DLG2: variants seen among roughly 807,000 people sequenced by gnomAD.
DLG2 encodes discs large MAGUK scaffold protein 2.
Under a neutral mutation model 132.5 loss-of-function variants are expected in DLG2, and 45 were observed. The ratio of observed to expected loss-of-function variants is 0.34; its 90% CI spans 0.27 to 0.44. DLG2 has a LOEUF of 0.44. Among genes scored for constraint, DLG2 ranks in the 20% least tolerant of loss-of-function variants. The pLI is 1.00. For missense variants in DLG2, 1,045 were observed against 1,196.9 expected (o/e 0.87, Z 1.87); for synonymous variants, 424 against 419.6 (o/e 1.01, Z -0.13).
At chr11:83,917,536 C>A (rs939395523) in intron 15 of DLG2, among the ~76,000 whole-genome samples, 13 of 152,258 alleles carry the variant, frequency 8.5e-5, no homozygotes, top group African/African-American at 3.1e-4. Context: ...GTTTCTGTGT[C>A]CTAACTCTGA....
chr11:84,233,391 A>G (rs2097120200), intron 8 of DLG2, among the ~76,000 whole-genome samples: 1 of 152,186 alleles, frequency 6.6e-6, no homozygotes, highest in African/African-American at 2.4e-5. Flanking sequence ...AGCCTGAAAA[A>G]TCAAGCTGAA....
chr11:84,332,344 T>C (rs1311077279), intron 7 of DLG2, among the ~76,000 whole-genome samples: 1 of 151,480 alleles, frequency 6.6e-6, no homozygotes, highest in Non-Finnish European at 1.5e-5. Flanking sequence ...CTAGAGTAGC[T>C]GGGACTACAG....
At chr11:83,763,295 CAA>C (rs2093993444) in intron 18 of DLG2, among the ~76,000 whole-genome samples, 1 of 137,818 alleles carries the variant, frequency 7.3e-6, no homozygotes, top group Non-Finnish European at 1.5e-5. Context: ...GGATAATACT[CAA>C]TAGATTTTTT....
At chr11:85,227,298 T>C (rs1046695117) in intron 4 of DLG2, among the ~76,000 whole-genome samples, 1 of 152,002 alleles carries the variant, frequency 6.6e-6, no homozygotes, top group African/African-American at 2.4e-5. Context: ...TAATCTAAAA[T>C]CAAGAAAAAA....
chr11:84,690,260 C>G (rs2057871413), intron 6 of DLG2, among the ~76,000 whole-genome samples: 1 of 151,622 alleles, frequency 6.6e-6, no homozygotes, highest in Admixed American at 6.6e-5. Flanking sequence ...ATATATATTT[C>G]AAAATTGCAA....
At chr11:83,868,466 C>T (rs999897821) in intron 16 of DLG2, among the ~76,000 whole-genome samples, 15 of 151,840 alleles carry the variant, frequency 9.9e-5, no homozygotes, top group Non-Finnish European at 7.4e-5. Flanking sequence ...CTTCAGCTGA[C>T]AGGAAAGCAA....
chr11:84,261,034 T>C (rs964091338), intron 7 of DLG2, among the ~76,000 whole-genome samples: 1 of 152,208 alleles, frequency 6.6e-6, no homozygotes, highest in Non-Finnish European at 1.5e-5. Context: ...GTGGATACCA[T>C]CTGTTCCTCG....
At chr11:84,304,915 A>T (rs2098198268) in intron 7 of DLG2, among the ~76,000 whole-genome samples, 1 of 152,238 alleles carries the variant, frequency 6.6e-6, no homozygotes, top group South Asian at 2.1e-4. Context: ...CCATTCTATC[A>T]GATTCAACCT....
intron 6 of DLG2, among the ~76,000 whole-genome samples, chr11:84,830,369 C>G (rs1021780530): frequency 6.8e-6 from 1 of 147,726 alleles, no homozygotes; most frequent in Admixed American, 6.8e-5. Context: ...GCGTCATCTA[C>G]GTTTTTTTTT....
At chr11:83,553,240 C>A (rs550665528) in intron 19 of DLG2, among the ~76,000 whole-genome samples, 7 of 152,232 alleles carry the variant, frequency 4.6e-5, no homozygotes, top group Non-Finnish European at 7.4e-5. Context: ...GACATCAACT[C>A]TAAGATTTTT....
chr11:85,046,749 A>C (rs1341205726), intron 6 of DLG2, among the ~76,000 whole-genome samples: 1 of 151,858 alleles, frequency 6.6e-6, no homozygotes, highest in Non-Finnish European at 1.5e-5. Context: ...AACATAAATT[A>C]CTTCCTTAAA....
At chr11:84,324,762 T>G (rs1043010324) in intron 7 of DLG2, among the ~76,000 whole-genome samples, 1 of 152,158 alleles carries the variant, frequency 6.6e-6, no homozygotes, top group African/African-American at 2.4e-5. Flanking sequence ...TTCCTCAATA[T>G]TTTATTCTTT....
rs556408930 is a variant in DLG2, at chr11:85,080,732, T to C, written c.357+30929A>G. Reference sequence around the variant, plus strand: ...AAGGGATAGTTAACAATATTTTATATAGACCCTTTTTAATGGGGCAGAGTG... The same window carrying C: ...AAGGGATAGTTAACAATATTTTATACAGACCCTTTTTAATGGGGCAGAGTG... On this transcript the variant is annotated intron_variant, in intron 6 of 27. Transcript: ENST00000376104. Among the ~76,000 whole-genome samples, 23 of 152,236 alleles carry C rather than the reference T, an allele frequency of 1.5e-4. No individual in the cohort carries two copies. The East Asian group carries it at 4.1e-3, about 27-fold the overall frequency.
At chr11:83,479,591 A>AGTAAGTAGGTG (rs2137131576) in intron 22 of DLG2, among the ~76,000 whole-genome samples, 1 of 152,224 alleles carries the variant, frequency 6.6e-6, no homozygotes, top group Non-Finnish European at 1.5e-5. Context: ...AAAACCAGTA[A>AGTAAGTAGGTG]GTAAGTAGGT....
intron 11 of DLG2, among the ~76,000 whole-genome samples, chr11:84,049,825 A>G (rs1945805): frequency 0.63 from 96,229 of 151,650 alleles, 33,347 homozygotes; most frequent in Non-Finnish European, 0.79. Flanking sequence ...GAAATGAAAG[A>G]TTGCTTCTGA....
intron 16 of DLG2, among the ~76,000 whole-genome samples, chr11:83,851,540 T>C (rs1212894841): frequency 6.6e-6 from 1 of 150,626 alleles, no homozygotes; most frequent in Non-Finnish European, 1.5e-5. Context: ...GGCAGGAGAA[T>C]TGCTTGAACT....
At chr11:85,580,939 T>C (rs989166225) in intron 3 of DLG2, among the ~76,000 whole-genome samples, 10 of 152,338 alleles carry the variant, frequency 6.6e-5, no homozygotes, top group Middle Eastern at 3.4e-3. Flanking sequence ...TTATCTACCC[T>C]GTTCTGTGCC....
chr11:84,969,647 G>C (rs554155736), intron 6 of DLG2, among the ~76,000 whole-genome samples: 1 of 152,200 alleles, frequency 6.6e-6, no homozygotes, highest in South Asian at 2.1e-4. Flanking sequence ...GTCTCTAGAG[G>C]AATATATCTT....
chr11:85,209,445 CTTTTT>C (rs1164394816), intron 4 of DLG2, among the ~76,000 whole-genome samples: 2 of 74,450 alleles, frequency 2.7e-5, no homozygotes, highest in Middle Eastern at 0.019. Flanking sequence ...AGAAATCAGT[CTTTTT>C]TTTTTTTTTT....
Sources: gnomAD v4.1 joint callset for allele counts (sites outside exome capture counted in the v4.1 genomes callset) on GRCh38, gnomAD v4.1.1 for gene constraint, MANE v1.5 for transcripts, NCBI Gene and HGNC (gene_info 2026-07-23, HGNC 2026-07-21) for gene names.